The following VCAN variants were observed in gnomAD, a reference collection of about 807,000 sequenced individuals.
VCAN encodes the protein versican, also known as versican core protein.
In VCAN, 44 loss-of-function variants were observed where a neutral mutation model predicts 245.5. That is an observed-to-expected ratio of 0.18 (90% confidence interval 0.14 to 0.23). VCAN has a LOEUF of 0.23. Ranked by LOEUF, VCAN falls within the 10% of genes least tolerant of loss-of-function variation. The pLI is 1.00. For missense variants in VCAN, 3,793 were observed against 4,057.9 expected, an observed-to-expected ratio of 0.93 and a Z score of 1.77; for synonymous variants, 1,413 against 1,437.0, an observed-to-expected ratio of 0.98 and a Z score of 0.38.
intron 9 of VCAN, among the ~76,000 whole-genome samples, chr5:83,547,580 A>T (rs957675825): frequency 2.6e-5 from 4 of 152,120 alleles, no homozygotes; most frequent in African/African-American, 9.7e-5. Context: ...TGTGTGAGGT[A>T]ATCAGAGAAT....
intron 7 of VCAN, among the ~76,000 whole-genome samples, chr5:83,525,431 C>T (rs1746257640): frequency 6.6e-6 from 1 of 152,044 alleles, no homozygotes; most frequent in East Asian, 1.9e-4. Flanking sequence ...TCTAAATCAC[C>T]TGAAATGTTA....
intron 12 of VCAN, among the ~76,000 whole-genome samples, chr5:83,565,529 G>A (rs776594953): frequency 8.6e-5 from 13 of 151,856 alleles, no homozygotes; most frequent in African/African-American, 1.5e-4. Flanking sequence ...TATTTATATT[G>A]TATGATTTAG....
intron 3 of VCAN, among the ~76,000 whole-genome samples, chr5:83,491,433 T>C (rs1311565157): frequency 6.6e-6 from 1 of 152,230 alleles, no homozygotes; most frequent in African/African-American, 2.4e-5. Flanking sequence ...ATTAACTTTC[T>C]GATACCCTTT....
intron 5 of VCAN, among the ~76,000 whole-genome samples, chr5:83,503,539 C>T (rs1324678122): frequency 6.6e-6 from 1 of 152,174 alleles, no homozygotes; most frequent in Non-Finnish European, 1.5e-5. Context: ...ACCAAAAGAG[C>T]AGGGAGTGCT....
intron 5 of VCAN, among the ~76,000 whole-genome samples, chr5:83,506,593 C>G (rs552748988): frequency 1.3e-4 from 20 of 152,292 alleles, no homozygotes; most frequent in African/African-American, 4.8e-4. Flanking sequence ...ACATTTTCCT[C>G]TCTTCTTCTG....
intron 2 of VCAN, among the ~76,000 whole-genome samples, chr5:83,485,122 T>C (rs1012562275): frequency 2.0e-5 from 3 of 152,174 alleles, no homozygotes; most frequent in African/African-American, 7.2e-5. Context: ...CTGTATTCTA[T>C]TGAGGAAACT....
chr5:83,579,574 C>T lies in VCAN; in HGVS notation c.9881-406C>T, dbSNP rs564778880. On this transcript the variant is annotated intron_variant, in intron 13 of 14. Transcript: ENST00000265077. ...CACTGTGCCTGGCCTGTAGATTGTA[C>T]GTTTTTATAAGGAGGTAATAGTAAT... Among the ~76,000 whole-genome samples the T allele has an allele frequency of 5.3e-4, 80 of 152,048 alleles. No individual in the cohort carries two copies. The South Asian group carries it at 0.012, about 23-fold the overall frequency.
chr5:83,528,170 A>T (rs1289733015), intron 7 of VCAN, among the ~76,000 whole-genome samples: 3 of 152,230 alleles, frequency 2.0e-5, no homozygotes, highest in Non-Finnish European at 4.4e-5. Flanking sequence ...ATAGTTACAC[A>T]GTAGGTGTAT....
intron 13 of VCAN, among the ~76,000 whole-genome samples, chr5:83,577,097 A>G (rs545805008): frequency 4.9e-4 from 74 of 151,934 alleles, no homozygotes; most frequent in African/African-American, 1.8e-3. Context: ...TTATGATCTA[A>G]TCTTTTTTGT....
rs375175600 is a variant in VCAN at position 83,512,144 on chromosome 5, G to A, written c.790G>A (p.Glu264Lys). Residue 264 changes from glutamate (E) to lysine (K), a missense_variant, in exon 6 of 15, where the codon GAG (glutamate) becomes AAG (lysine). Glu to Lys is a moderately conservative substitution (Grantham distance 56). Coordinates refer to ENST00000265077, the MANE Select transcript of VCAN (RefSeq NM_004385.5). ...HLTVPSKFTF[E>K]EAAKECENQD... ...CACTGTCCCCAGTAAATTCACCTTCGAGGAGGCTGCAAAAGAGTGTGAAAA... is the reference window on the plus strand; with the variant it reads ...CACTGTCCCCAGTAAATTCACCTTCAAGGAGGCTGCAAAAGAGTGTGAAAA... 36 of 1,613,858 alleles carry A rather than the reference G, an allele frequency of 2.2e-5. No homozygotes were observed. Among genetic ancestry groups the A allele is most frequent in the South Asian group, 5.5e-5 (5 of 91,070 alleles).
At chr5:83,510,742 T>C (rs1176548136) in intron 5 of VCAN, among the ~76,000 whole-genome samples, 1 of 152,246 alleles carries the variant, frequency 6.6e-6, no homozygotes, top group Non-Finnish European at 1.5e-5. Context: ...GAATCTTTCA[T>C]TGTAACATGT....
intron 3 of VCAN, among the ~76,000 whole-genome samples, chr5:83,491,875 T>C (rs899115676): frequency 2.0e-5 from 3 of 152,234 alleles, no homozygotes; most frequent in Admixed American, 1.3e-4. Flanking sequence ...TTTGAAGCTT[T>C]GATCAACATT....
chr5:83,496,288 C>A (rs1745159773), intron 5 of VCAN, among the ~76,000 whole-genome samples: 1 of 152,184 alleles, frequency 6.6e-6, no homozygotes, highest in South Asian at 2.1e-4. Flanking sequence ...TCCATAAACA[C>A]AATCACTTCT....
At chr5:83,532,703 C>A (rs899605606) in intron 7 of VCAN, among the ~76,000 whole-genome samples, 1 of 151,908 alleles carries the variant, frequency 6.6e-6, no homozygotes, top group Non-Finnish European at 1.5e-5. Flanking sequence ...AACAGATCAA[C>A]AACCTGTCTA....
In VCAN at chr5:83,542,036, C is replaced by A. The variant is rs16900532; in HGVS notation, c.9033C>A (p.Asn3011Lys). The A allele has an allele frequency of 9.0e-3, 14,433 of 1,610,478 alleles. 1,147 individuals carry two copies. The African/African-American group carries it at 0.17, about 19-fold the overall frequency. Reference sequence around the variant, plus strand: ...CGCTTTCTTCTTCTCCAGAAATAAACCCTGAAACTCAAGCAGCTTTAATCA... The same window carrying A: ...CGCTTTCTTCTTCTCCAGAAATAAAACCTGAAACTCAAGCAGCTTTAATCA... ...RPTLSSSPEI[N>K]PETQAALIRG... Residue 3011 changes from asparagine to lysine, a missense_variant, in exon 8 of 15, where the codon AAC becomes AAA. Physicochemically the swap from Asn to Lys is moderately conservative, Grantham distance 94. Around this residue, in one of 5 missense-constraint regions of VCAN, gnomAD observed 3,182 missense variants for 3,250.3 expected, o/e 0.98. Transcript: ENST00000265077.
chr5:83,546,126 C>T (rs1231017376), intron 9 of VCAN, among the ~76,000 whole-genome samples: 9 of 152,074 alleles, frequency 5.9e-5, no homozygotes, highest in Non-Finnish European at 1.3e-4. Flanking sequence ...ACCAGCCCAA[C>T]GTGCCTCGGC....
chr5:83,527,171 A>G (rs1746334112), intron 7 of VCAN, among the ~76,000 whole-genome samples: 1 of 152,220 alleles, frequency 6.6e-6, no homozygotes, highest in South Asian at 2.1e-4. Flanking sequence ...TTAAGAGTAT[A>G]TAATTTAGAT....
At position 83,493,723 on chromosome 5, in the gene VCAN, A is replaced by G; in HGVS notation, c.620+3A>G. Reference sequence around the variant, plus strand: ...TGGCTGGCTGATCAGACTGTCAGGTAAGAGGTCTGGGGGCCACAGGCTTCA... The same window carrying G: ...TGGCTGGCTGATCAGACTGTCAGGTGAGAGGTCTGGGGGCCACAGGCTTCA... On this transcript the variant is annotated splice_donor_region_variant and intron_variant, in intron 4 of 14. Transcript: ENST00000265077. 5 of 1,614,148 alleles carry G rather than the reference A, an allele frequency of 3.1e-6. No individual in the cohort carries two copies. In the South Asian group the frequency reaches 3.3e-5, roughly 11 times the overall value.
At chr5:83,496,168 A>G (rs1255344684) in intron 5 of VCAN, among the ~76,000 whole-genome samples, 3 of 152,172 alleles carry the variant, frequency 2.0e-5, no homozygotes, top group East Asian at 1.9e-4. Context: ...TGCTCATAGT[A>G]TCATAACCAG....
Sources: allele counts gnomAD v4.1 joint callset (sites outside exome capture counted in the v4.1 genomes callset), GRCh38; gene constraint gnomAD v4.1.1; regional missense constraint gnomAD v4.1.1; transcripts MANE v1.5; gene names NCBI Gene and HGNC (gene_info 2026-07-23, HGNC 2026-07-21).